The following VRK2 variants were observed in gnomAD, a reference collection of about 807,000 sequenced individuals.
VRK2 encodes the protein serine/threonine-protein kinase VRK2.
A neutral mutation model predicts 57.6 loss-of-function variants in VRK2; 60 were observed. That is an observed-to-expected ratio of 1.04 (90% CI 0.85 to 1.29). VRK2 has a LOEUF of 1.29. Ranked by LOEUF, VRK2 falls within the 50% of genes most tolerant of loss-of-function variation. The pLI, the probability that VRK2 is intolerant of heterozygous loss-of-function variation, is 0.00. For synonymous variants in VRK2, 231 were observed against 199.2 expected, an observed-to-expected ratio of 1.16 and a Z score of -1.35; for missense variants, 705 against 588.1, an observed-to-expected ratio of 1.20 and a Z score of -2.06.
intron 2 of VRK2, among the ~76,000 whole-genome samples, chr2:58,056,028 T>C (rs1359703050): frequency 6.7e-6 from 1 of 150,306 alleles, no homozygotes; most frequent in East Asian, 2.0e-4. Context: ...TTGCATAAAA[T>C]TGAGAACTCT....
intron 1 of VRK2, among the ~76,000 whole-genome samples, chr2:58,019,260 G>GT (rs1558543122): frequency 6.6e-6 from 1 of 152,142 alleles, no homozygotes; most frequent in African/African-American, 2.4e-5. Flanking sequence ...AAGAATACAA[G>GT]TAACTATTAA....
chr2:58,096,202 T>C (rs1391444727), intron 7 of VRK2, among the ~76,000 whole-genome samples: 2 of 152,216 alleles, frequency 1.3e-5, no homozygotes, highest in South Asian at 2.1e-4. Context: ...TGTGATTTCA[T>C]ATTGATATTC....
chr2:58,060,094 G>A (rs1450326016), intron 2 of VRK2, among the ~76,000 whole-genome samples: 1 of 151,610 alleles, frequency 6.6e-6, no homozygotes, highest in Non-Finnish European at 1.5e-5. Context: ...GTGTAAGGAG[G>A]ATAGTAGAAG....
chr2:58,159,800 G>A lies in VRK2; in HGVS notation c.*107G>A. 2 of 1,610,382 alleles carry A rather than the reference G, an allele frequency of 1.2e-6. No individual in the cohort carries two copies. The highest frequency in any genetic ancestry group is 1.7e-6 in the Non-Finnish European group (2 of 1,177,560). ...CTTCCAGACATTTTTAAGGTAATTG[G>A]CTTTAAAAAGAGAACATATTTTAAC... On this transcript the variant is annotated 3_prime_UTR_variant, in exon 13 of 13. Coordinates refer to ENST00000340157, the MANE Select transcript of VRK2 (RefSeq NM_006296.7).
At chr2:58,093,907 T>C (rs1672745304) in intron 7 of VRK2, among the ~76,000 whole-genome samples, 1 of 152,212 alleles carries the variant, frequency 6.6e-6, no homozygotes, top group African/African-American at 2.4e-5. Flanking sequence ...CCCAGCACCA[T>C]TTATTAAATA....
chr2:58,156,338 CTG>C (rs1683842311), intron 12 of VRK2, among the ~76,000 whole-genome samples: 1 of 151,784 alleles, frequency 6.6e-6, no homozygotes, highest in Non-Finnish European at 1.5e-5. Flanking sequence ...GTAAGGATGG[CTG>C]TCTTTTGTTT....
At chr2:57,940,279 G>A (rs1671050508) in intron 1 of VRK2, among the ~76,000 whole-genome samples, 1 of 152,056 alleles carries the variant, frequency 6.6e-6, no homozygotes, top group South Asian at 2.1e-4. Context: ...ATAAATCACA[G>A]TCAAGGAAAA....
intron 7 of VRK2, among the ~76,000 whole-genome samples, chr2:58,122,348 AC>A (rs756112588): frequency 2.6e-5 from 4 of 152,214 alleles, no homozygotes; most frequent in Non-Finnish European, 1.5e-5. Flanking sequence ...CAAAAACGTT[AC>A]TAATAGTCTA....
chr2:58,137,068 A>T (rs1287753802), intron 10 of VRK2, among the ~76,000 whole-genome samples: 1 of 118,544 alleles, frequency 8.4e-6, no homozygotes, highest in East Asian at 2.3e-4. Context: ...TATATCATAT[A>T]TCATATATAA....
intron 1 of VRK2, among the ~76,000 whole-genome samples, chr2:57,971,234 C>T (rs1222883737): frequency 6.6e-6 from 1 of 151,844 alleles, no homozygotes; most frequent in Non-Finnish European, 1.5e-5. Flanking sequence ...TTGCAAGAGC[C>T]CTCTCCTAGT....
chr2:58,030,957 G>A (rs1375752730), intron 2 of VRK2, among the ~76,000 whole-genome samples: 2 of 151,984 alleles, frequency 1.3e-5, no homozygotes, highest in Non-Finnish European at 2.9e-5. Flanking sequence ...TCATCAGTCT[G>A]GCTTAGAGTC....
At chr2:58,114,847 A>G (rs1676176599) in intron 7 of VRK2, among the ~76,000 whole-genome samples, 1 of 152,182 alleles carries the variant, frequency 6.6e-6, no homozygotes, top group Non-Finnish European at 1.5e-5. Context: ...ACCCTGTAGG[A>G]AAGGCCATTA....
rs1672109313 is a variant in VRK2, at chr2:58,089,735, C to A, written c.543+12C>A. The A allele has an allele frequency of 1.3e-6, 2 of 1,576,064 alleles. No homozygotes were observed. The highest frequency in any genetic ancestry group is 1.7e-6 in the Non-Finnish European group (2 of 1,152,520). On this transcript the variant is annotated intron_variant, in intron 7 of 12. Transcript: ENST00000340157. ...AAAATCCAGACCAGGTAAATACATA[C>A]TTTTGCTTTTAATAAAGGTCTTTAA...
intron 10 of VRK2, among the ~76,000 whole-genome samples, chr2:58,138,573 T>A (rs2104600685): frequency 6.6e-6 from 1 of 152,284 alleles, no homozygotes; most frequent in Non-Finnish European, 1.5e-5. Flanking sequence ...TTGAAATTTT[T>A]CTCTATAGGG....
chr2:58,141,619 ATATT>A (rs968253946), intron 11 of VRK2, among the ~76,000 whole-genome samples: 39 of 152,126 alleles, frequency 2.6e-4, no homozygotes, highest in South Asian at 4.1e-4. Context: ...CAGCAGATCA[ATATT>A]TATTTATTTA....
intron 8 of VRK2, among the ~76,000 whole-genome samples, chr2:58,124,817 T>C (rs1678061602): frequency 6.6e-6 from 1 of 152,156 alleles, no homozygotes; most frequent in Non-Finnish European, 1.5e-5. Context: ...ATATTCCTGA[T>C]CAAAGTAAAA....
intron 1 of VRK2, among the ~76,000 whole-genome samples, chr2:57,922,812 G>C (rs1427665791): frequency 6.6e-6 from 1 of 151,782 alleles, no homozygotes; most frequent in Non-Finnish European, 1.5e-5. Flanking sequence ...TAGGTACCCT[G>C]TTATGCTATC....
chr2:58,054,176 T>C (rs1458795630), intron 2 of VRK2, among the ~76,000 whole-genome samples: 1 of 152,144 alleles, frequency 6.6e-6, no homozygotes, highest in African/African-American at 2.4e-5. Flanking sequence ...GGGAGATTTA[T>C]AAGACTTGGC....
chr2:58,058,400 A>G (rs777062200), intron 2 of VRK2: 3 of 470,612 alleles, frequency 6.4e-6, no homozygotes, highest in South Asian at 3.1e-5. Flanking sequence ...GAGTAAAGGC[A>G]GCTTCCCGCA....
Sources: gnomAD v4.1 joint callset for allele counts (sites outside exome capture counted in the v4.1 genomes callset) on GRCh38, gnomAD v4.1.1 for gene constraint, MANE v1.5 for transcripts, NCBI Gene and HGNC (gene_info 2026-07-23, HGNC 2026-07-21) for gene names.